The following KCNC2 variants were observed in gnomAD, a reference collection of about 807,000 sequenced individuals.
The protein encoded by KCNC2 is potassium voltage-gated channel subfamily C member 2, also known as voltage-gated potassium channel KCNC2.
Under a neutral mutation model 44.5 loss-of-function variants are expected in KCNC2, and 21 were observed. The observed-to-expected ratio is 0.47, with a 90% CI of 0.33 to 0.68. The LOEUF (loss-of-function observed/expected upper bound fraction) is 0.68, where lower values mean the gene tolerates loss of function less well. Among genes scored for constraint, KCNC2 ranks in the 30% least tolerant of loss-of-function variants. KCNC2 has a pLI of 0.01. For synonymous variants in KCNC2, 391 were observed against 339.1 expected (o/e 1.15, Z -1.68); for missense variants, 589 against 826.2 (o/e 0.71, Z 3.52).
intron 2 of KCNC2, among the ~76,000 whole-genome samples, chr12:75,150,285 C>T (rs61211846): frequency 0.15 from 22,829 of 151,700 alleles, 2,045 homozygotes; most frequent in Middle Eastern, 0.27. Context: ...CACCCTCATC[C>T]GTTACACTAA....
chr12:75,140,039 G>A (rs1321779633), intron 2 of KCNC2: 1 of 152,140 alleles, frequency 6.6e-6, no homozygotes, highest in African/African-American at 2.4e-5. Flanking sequence ...ATTAACTAGG[G>A]ATTCTGCAAT....
At chr12:75,110,003 T>C (rs1404870543) in intron 2 of KCNC2, among the ~76,000 whole-genome samples, 1 of 151,188 alleles carries the variant, frequency 6.6e-6, no homozygotes, top group African/African-American at 2.4e-5. Context: ...AATACAAGAA[T>C]ATAAAAAAAT....
intron 2 of KCNC2, among the ~76,000 whole-genome samples, chr12:75,168,651 T>C (rs1402495034): frequency 5.3e-5 from 8 of 151,574 alleles, no homozygotes. Context: ...TTCTATTTCT[T>C]ACCATACCAA....
intron 2 of KCNC2, among the ~76,000 whole-genome samples, chr12:75,200,619 C>A (rs1247079945): frequency 1.3e-5 from 2 of 151,500 alleles, no homozygotes; most frequent in African/African-American, 2.4e-5. Flanking sequence ...TATGTATATA[C>A]ATATACCCTA....
intron 2 of KCNC2, among the ~76,000 whole-genome samples, chr12:75,167,724 C>A (rs1891550917): frequency 2.6e-5 from 4 of 151,260 alleles, no homozygotes. Flanking sequence ...AAAAGTACAG[C>A]TAAGAAAGAT....
intron 2 of KCNC2, among the ~76,000 whole-genome samples, chr12:75,088,955 A>T (rs1885251123): frequency 6.6e-6 from 1 of 151,944 alleles, no homozygotes; most frequent in Non-Finnish European, 1.5e-5. Flanking sequence ...TAACCTCCAC[A>T]GCCCCATAAA....
At chr12:75,180,065 T>C (rs1892476203) in intron 2 of KCNC2, among the ~76,000 whole-genome samples, 1 of 151,970 alleles carries the variant, frequency 6.6e-6, no homozygotes, top group South Asian at 2.1e-4. Context: ...TGTTCTTTAT[T>C]ATCAAAGGAA....
intron 2 of KCNC2, among the ~76,000 whole-genome samples, chr12:75,125,376 C>T (rs934732462): frequency 9.8e-5 from 15 of 152,294 alleles, no homozygotes; most frequent in African/African-American, 3.1e-4. Flanking sequence ...CCGCTTTTGA[C>T]TTATGAACCA....
intron 2 of KCNC2, among the ~76,000 whole-genome samples, chr12:75,150,021 G>A (rs1355092420): frequency 1.3e-5 from 2 of 151,740 alleles, no homozygotes; most frequent in African/African-American, 4.8e-5. Flanking sequence ...TTTGCAGTAA[G>A]CCATCGCCTG....
At chr12:75,104,642 C>T (rs931204275) in intron 2 of KCNC2, among the ~76,000 whole-genome samples, 4 of 152,098 alleles carry the variant, frequency 2.6e-5, no homozygotes, top group African/African-American at 9.7e-5. Flanking sequence ...TAATAATAAA[C>T]TTTTACCTAG....
chr12:75,129,105 G>C (rs1565877847), intron 2 of KCNC2, among the ~76,000 whole-genome samples: 1 of 152,142 alleles, frequency 6.6e-6, no homozygotes, highest in African/African-American at 2.4e-5. Flanking sequence ...CTATCACTTG[G>C]TTATACATTT....
At position 75,051,145 on chromosome 12, in the gene KCNC2, C is replaced by G. The variant is rs1881121595; in HGVS notation, c.860G>C (p.Gly287Ala). The change falls in exon 3 of 5, where the codon GGA becomes GCA. Residue 287 changes from glycine to alanine, a missense_variant. Gly to Ala is a moderately conservative substitution (Grantham distance 60). Transcript: ENST00000549446. ...AAAAGTAAACCACACCACACACACTCCTTCTACATACGTCAAGGCAGGATC... is the reference window on the plus strand; with the variant it reads ...AAAAGTAAACCACACCACACACACTGCTTCTACATACGTCAAGGCAGGATC... ...ETDPALTYVE[G>A]VCVVWFTFEF... 5.6e-6 allele frequency: 9 copies of G among 1,613,908 alleles called. No individual in the cohort carries two copies. The highest frequency in any genetic ancestry group is 7.6e-6 in the Non-Finnish European group (9 of 1,179,868).
intron 2 of KCNC2, among the ~76,000 whole-genome samples, chr12:75,196,963 G>GT (rs1414801860): frequency 6.6e-6 from 1 of 151,982 alleles, no homozygotes; most frequent in Middle Eastern, 3.2e-3. Flanking sequence ...AATTGTATTT[G>GT]TTTTTTCTGC....
intron 2 of KCNC2, among the ~76,000 whole-genome samples, chr12:75,179,047 A>G (rs1892382720): frequency 6.6e-6 from 1 of 152,070 alleles, no homozygotes. Context: ...TCATAGGAAA[A>G]ACAGAAACAT....
intron 2 of KCNC2, among the ~76,000 whole-genome samples, chr12:75,190,273 T>A (rs966451052): frequency 5.3e-5 from 8 of 152,328 alleles, no homozygotes; most frequent in African/African-American, 1.9e-4. Context: ...TGGTCATGCC[T>A]ATCTTCTTTC....
intron 2 of KCNC2, among the ~76,000 whole-genome samples, chr12:75,132,981 G>A (rs371967323): frequency 3.3e-5 from 5 of 152,042 alleles, no homozygotes; most frequent in African/African-American, 1.2e-4. Context: ...TGATGAATTA[G>A]CGTGCAAGGT....
chr12:75,151,205 T>C (rs1172680037), intron 2 of KCNC2, among the ~76,000 whole-genome samples: 4 of 151,922 alleles, frequency 2.6e-5, no homozygotes, highest in Non-Finnish European at 5.9e-5. Context: ...AACCCTTTAT[T>C]TGTATGAAAC....
chr12:75,102,769 G>C (rs551801586), intron 2 of KCNC2, among the ~76,000 whole-genome samples: 2 of 151,958 alleles, frequency 1.3e-5, no homozygotes, highest in Non-Finnish European at 2.9e-5. Context: ...AGTGAGCTTT[G>C]AGTGGGCTTT....
chr12:75,088,025 T>C (rs969602919), intron 2 of KCNC2, among the ~76,000 whole-genome samples: 1 of 151,936 alleles, frequency 6.6e-6, no homozygotes, highest in African/African-American at 2.4e-5. Context: ...AATTGAGGGA[T>C]AGACTTTTTG....
Sources: allele counts gnomAD v4.1 joint callset (sites outside exome capture counted in the v4.1 genomes callset), GRCh38; gene constraint gnomAD v4.1.1; transcripts MANE v1.5; gene names NCBI Gene and HGNC (gene_info 2026-07-23, HGNC 2026-07-21).